The following CNNM2 variants were observed in gnomAD, a reference collection of about 807,000 sequenced individuals.
CNNM2 encodes metal transporter CNNM2.
In CNNM2, 12 loss-of-function variants were observed where a neutral mutation model predicts 66.9. The observed-to-expected ratio is 0.18, with a 90% confidence interval of 0.11 to 0.29. The LOEUF is 0.29. CNNM2 is among the 10% of genes least tolerant of loss of function. The probability of loss-of-function intolerance (pLI) is 1.00; values close to 1 mark genes in which losing one functional copy is unlikely to be tolerated. For missense variants in CNNM2, 705 were observed against 1,167.7 expected, an observed-to-expected ratio of 0.60 and a Z score of 5.77; for synonymous variants, 557 against 501.8, an observed-to-expected ratio of 1.11 and a Z score of -1.47.
intron 1 of CNNM2, among the ~76,000 whole-genome samples, chr10:102,972,128 G>C (rs968699123): frequency 6.6e-6 from 1 of 152,086 alleles, no homozygotes; most frequent in East Asian, 1.9e-4. Context: ...ATAGCTCTTG[G>C]ATTTGGAGGT....
At chr10:102,974,898 C>T (rs941613585) in intron 1 of CNNM2, among the ~76,000 whole-genome samples, 1 of 152,122 alleles carries the variant, frequency 6.6e-6, no homozygotes, top group African/African-American at 2.4e-5. Context: ...TTCTGGGGCA[C>T]ACATTTTGAA....
rs552976124 is a variant in CNNM2, at chr10:103,031,926, A to C, written c.1622-17781A>C. On this transcript the variant is annotated intron_variant, in intron 1 of 7. Coordinates refer to ENST00000369878, the MANE Select transcript of CNNM2 (RefSeq NM_017649.5). ...CAGAATAAGTTTCAAGAGAAATCCTAAGGCAGGAAGTGAAATATTGAGCAT... is the reference window on the plus strand; with the variant it reads ...CAGAATAAGTTTCAAGAGAAATCCTCAGGCAGGAAGTGAAATATTGAGCAT... 2.0e-5 allele frequency among the ~76,000 whole-genome samples: 3 copies of C among 152,308 alleles called. No individual in the cohort carries two copies. In the South Asian group the frequency reaches 6.2e-4, roughly 32 times the overall value.
In CNNM2 at chr10:103,067,501, G is replaced by A. The variant is rs2065500069; in HGVS notation, c.2074-1128G>A. Among the ~76,000 whole-genome samples the A allele has an allele frequency of 3.3e-5, 5 of 152,310 alleles. No homozygotes were observed. The South Asian group carries it at 1.0e-3, about 32-fold the overall frequency. ...AAATGAATTCATAAAACACTGATGTGTTAGCACAATTCCTTTTCAATACAT... is the reference window on the plus strand; with the variant it reads ...AAATGAATTCATAAAACACTGATGTATTAGCACAATTCCTTTTCAATACAT... On this transcript the variant is annotated intron_variant, in intron 4 of 7. Coordinates refer to ENST00000369878, the MANE Select transcript of CNNM2 (RefSeq NM_017649.5).
chr10:102,938,255 G>A (rs908533463), intron 1 of CNNM2, among the ~76,000 whole-genome samples: 2 of 150,614 alleles, frequency 1.3e-5, no homozygotes, highest in Non-Finnish European at 3.0e-5. Context: ...GGCCAACATG[G>A]TGAAACCCCA....
chr10:102,937,851 T>A (rs1055793344), intron 1 of CNNM2, among the ~76,000 whole-genome samples: 2 of 151,436 alleles, frequency 1.3e-5, no homozygotes, highest in East Asian at 4.0e-4. Context: ...TCTCAAACTA[T>A]TGGGCTCAAA....
chr10:103,039,041 T>C (rs1482749178), intron 1 of CNNM2, among the ~76,000 whole-genome samples: 2 of 152,200 alleles, frequency 1.3e-5, no homozygotes, highest in Non-Finnish European at 2.9e-5. Flanking sequence ...TTTATTTTTA[T>C]TTTAGCTTTC....
chr10:103,033,773 C>T (rs1189034494), intron 1 of CNNM2, among the ~76,000 whole-genome samples: 2 of 152,184 alleles, frequency 1.3e-5, no homozygotes, highest in African/African-American at 4.8e-5. Context: ...GCGTGAGCCA[C>T]CGTGCCCAGC....
chr10:103,089,522 TATG>T lies in CNNM2; in HGVS notation c.*12345_*12347del. The T allele has an allele frequency of 7.3e-7, 1 of 1,364,064 alleles. No individual in the cohort carries two copies. Among genetic ancestry groups the T allele is most frequent in the Non-Finnish European group, 9.7e-7 (1 of 1,035,426 alleles). 84.5% of individuals were successfully genotyped at this position (1,364,064 alleles called of 1,614,324 possible). ...GATACACAAAACCAAAACAAGTATC[TATG>T]ATAATAAAATCTTCAGAAACTTTTC... is the stretch of plus-strand genomic sequence containing the variant. On this transcript the variant is annotated 3_prime_UTR_variant, in exon 8 of 8. Coordinates refer to ENST00000369878, the MANE Select transcript of CNNM2 (RefSeq NM_017649.5).
In CNNM2 at chr10:102,934,383, C is replaced by T. The variant is rs542479479; in HGVS notation, c.1621+14282C>T. On this transcript the variant is annotated intron_variant, in intron 1 of 7. Transcript: ENST00000369878. ...GCAAACTCTGCCTCCTGGGTTCAAGCGATTCTCCTGCCTCAGCCTCCCAAG... is the reference window on the plus strand; with the variant it reads ...GCAAACTCTGCCTCCTGGGTTCAAGTGATTCTCCTGCCTCAGCCTCCCAAG... Among the ~76,000 whole-genome samples the T allele has an allele frequency of 4.0e-5, 6 of 150,524 alleles. 1 individual carries two copies. The highest frequency in any genetic ancestry group is 1.5e-4 in the African/African-American group (6 of 40,930).
chr10:102,927,645 T>G, intron 1 of CNNM2: 1 of 433,058 alleles, frequency 2.3e-6, no homozygotes. Flanking sequence ...GGTGCTTGAA[T>G]TCCCAGCTTC....
At chr10:102,982,737 G>A (rs2063737083) in intron 1 of CNNM2, among the ~76,000 whole-genome samples, 1 of 152,218 alleles carries the variant, frequency 6.6e-6, no homozygotes, top group Admixed American at 6.5e-5. Flanking sequence ...TTATGTGAAT[G>A]TTTGTTGTTC....
Position 102,976,611 on chromosome 10 carries a change from A to ATTTTTTTTTTTTTTTTTTTTT in CNNM2, c.1621+56518_1621+56538dup, listed in dbSNP as rs66498944. 1.3e-3 allele frequency among the ~76,000 whole-genome samples: 78 copies of ATTTTTTTTTTTTTTTTTTTTT among 59,442 alleles called. 1 individual carries two copies. Among genetic ancestry groups the ATTTTTTTTTTTTTTTTTTTTT allele is most frequent in the Non-Finnish European group, 1.9e-3 (63 of 32,942 alleles). The allele number at this position is 59,442 out of a possible 152,430, so 39.0% of individuals were successfully genotyped here. On this transcript the variant is annotated intron_variant, in intron 1 of 7. Coordinates refer to ENST00000369878, the MANE Select transcript of CNNM2 (RefSeq NM_017649.5). ...CAGGTGTGCGCCACACGCCCAGGTA[A>ATTTTTTTTTTTTTTTTTTTTT]TTTTTTTTTTTTTTTTTTTTTTTTT...
rs1338723117 is a variant in CNNM2, at chr10:103,079,574, G to A, written c.*2394G>A. 2 of 152,284 alleles carry A rather than the reference G, an allele frequency of 1.3e-5. No homozygotes were observed. Among genetic ancestry groups the A allele is most frequent in the African/African-American group, 2.4e-5 (1 of 41,440 alleles). 9.4% of individuals were successfully genotyped at this position (152,284 alleles called of 1,614,324 possible). A position where few individuals can be genotyped will look rare whatever the true frequency, so the allele number is the denominator to read the frequency against. On this transcript the variant is annotated 3_prime_UTR_variant, in exon 8 of 8. Coordinates refer to ENST00000369878, the MANE Select transcript of CNNM2 (RefSeq NM_017649.5). ...ATGCCAGCTGCTGCCTCTGACTTCAGGGAGAAGCAGACTTCTTAATACTGT... is the reference window on the plus strand; with the variant it reads ...ATGCCAGCTGCTGCCTCTGACTTCAAGGAGAAGCAGACTTCTTAATACTGT...
chr10:103,005,686 A>G (rs2064212944), intron 1 of CNNM2, among the ~76,000 whole-genome samples: 1 of 152,174 alleles, frequency 6.6e-6, no homozygotes, highest in African/African-American at 2.4e-5. Context: ...TTAACCTTTA[A>G]TGGAACAATA....
intron 1 of CNNM2, among the ~76,000 whole-genome samples, chr10:103,029,324 C>T (rs971662791): frequency 6.7e-6 from 1 of 149,010 alleles, no homozygotes; most frequent in African/African-American, 2.5e-5. Flanking sequence ...AAAAAATAGG[C>T]GGGCGTGGTG....
chr10:103,068,837 CTTTTTTTTTGAAG>C (rs2065524783), intron 5 of CNNM2, 115 bp downstream of exon 5: 1 of 762,234 alleles, frequency 1.3e-6, no homozygotes, highest in Non-Finnish European at 2.1e-6. Context: ...CCTTTTTGAA[CTTTTTTTTTGAAG>C]TATATCATAT....
At chr10:103,018,981 T>C (rs1370468846) in intron 1 of CNNM2, among the ~76,000 whole-genome samples, 1 of 149,970 alleles carries the variant, frequency 6.7e-6, no homozygotes, top group Non-Finnish European at 1.5e-5. Context: ...TAAAAGGATA[T>C]TTACGGCCGG....
At position 103,081,486 on chromosome 10, in the gene CNNM2, A is replaced by G. The variant is rs745451707; in HGVS notation, c.*4306A>G. 1 of 152,248 alleles carries G rather than the reference A, an allele frequency of 6.6e-6. No homozygotes were observed. Among genetic ancestry groups the G allele is most frequent in the Non-Finnish European group, 1.5e-5 (1 of 68,050 alleles). The allele number at this position is 152,248 out of a possible 1,614,324, so 9.4% of individuals were successfully genotyped here. On this transcript the variant is annotated 3_prime_UTR_variant, in exon 8 of 8. Transcript: ENST00000369878. ...ATTCAGAAATTTTTCTGATGTATCAATGAGCAACTTCTCAGTGGATTTTTA... is the reference window on the plus strand; with the variant it reads ...ATTCAGAAATTTTTCTGATGTATCAGTGAGCAACTTCTCAGTGGATTTTTA...
At chr10:103,045,756 G>T (rs2065117940) in intron 1 of CNNM2, among the ~76,000 whole-genome samples, 1 of 152,178 alleles carries the variant, frequency 6.6e-6, no homozygotes, top group Admixed American at 6.5e-5. Flanking sequence ...TTGTTTGAGA[G>T]ATGCTGTTAC....
Sources: gnomAD v4.1 joint callset for allele counts (sites outside exome capture counted in the v4.1 genomes callset) on GRCh38, gnomAD v4.1.1 for gene constraint, MANE v1.5 for transcripts, NCBI Gene and HGNC (gene_info 2026-07-23, HGNC 2026-07-21) for gene names.